The following EPN1 variants were observed in gnomAD, a reference collection of about 807,000 sequenced individuals.
EPN1 encodes the protein epsin-1.
EPN1 carries 25 observed loss-of-function variants against 56.9 expected under a neutral mutation model. The observed-to-expected ratio is 0.44, with a 90% confidence interval of 0.32 to 0.61. EPN1 has a LOEUF of 0.61. Ranked by LOEUF, EPN1 falls within the 20% of genes least tolerant of loss-of-function variation. The probability of loss-of-function intolerance (pLI) is 0.05; values close to 1 mark genes in which losing one functional copy is unlikely to be tolerated. For missense variants in EPN1, 785 were observed against 823.7 expected (o/e 0.95, Z 0.58); for synonymous variants, 411 against 361.8 (o/e 1.14, Z -1.54).
Position 55,708,656 on chromosome 19 carries a change from T to C in EPN1, c.*13300T>C, listed in dbSNP as rs1364739087. On this transcript the variant is annotated 3_prime_UTR_variant, in exon 11 of 11. Coordinates refer to ENST00000270460, the MANE Select transcript of EPN1 (RefSeq NM_001130072.2). Reference sequence around the variant, plus strand: ...CTTTCCAGAGCGTTTAGCACTTGTTTAACGTACTTGTGCTTCTAAATATCA... The same window carrying C: ...CTTTCCAGAGCGTTTAGCACTTGTTCAACGTACTTGTGCTTCTAAATATCA... 3.1e-6 allele frequency: 1 copy of C among 317,560 alleles called. No homozygotes were observed. The highest frequency in any genetic ancestry group is 5.7e-6 in the Non-Finnish European group (1 of 174,896). The allele number at this position is 317,560 out of a possible 1,614,324, so 19.7% of individuals were successfully genotyped here. A position where few individuals can be genotyped will look rare whatever the true frequency, so the allele number is the denominator to read the frequency against.
At chr19:55,679,800 T>A (rs1004892245) in intron 2 of EPN1, among the ~76,000 whole-genome samples, 6 of 152,202 alleles carry the variant, frequency 3.9e-5, no homozygotes, top group Non-Finnish European at 8.8e-5. Flanking sequence ...AGGATTGGGT[T>A]GAGTCATAGA....
rs370923096 is a variant in EPN1, at chr19:55,708,500, A to C, written c.*13144A>C. On this transcript the variant is annotated 3_prime_UTR_variant, in exon 11 of 11. Transcript: ENST00000270460. ...AAATCGAAATCTGGACAAACTAGAA[A>C]GTCTGGATGCTAGCAATACAATCTA... 6.5e-6 allele frequency: 1 copy of C among 154,488 alleles called. No individual in the cohort carries two copies. The highest frequency in any genetic ancestry group is 1.4e-5 in the Non-Finnish European group (1 of 69,702). The allele number at this position is 154,488 out of a possible 1,614,324, so 9.6% of individuals were successfully genotyped here.
chr19:55,693,862 T>C (rs1249056286), intron 9 of EPN1, among the ~76,000 whole-genome samples: 1 of 152,168 alleles, frequency 6.6e-6, no homozygotes, highest in Non-Finnish European at 1.5e-5. Context: ...TAGGCCCTTT[T>C]TTGTCCCATA....
At position 55,689,749 on chromosome 19, in the gene EPN1, C is replaced by T. The variant is rs556508288; in HGVS notation, c.679-118C>T. The stretch of plus-strand genomic sequence containing the variant: ...ATTTCATACATTGTCCGCATCCCAT[C>T]GAATCCTTCAGCCGCTTTCGTTGGG... On this transcript the variant is annotated intron_variant, in intron 5 of 10. Coordinates refer to ENST00000270460, the MANE Select transcript of EPN1 (RefSeq NM_001130072.2). This position sits in a 1 kb window ranked among gnomAD's most constrained non-coding sequence, Gnocchi z 5.7. 66 of 932,424 alleles carry T rather than the reference C, an allele frequency of 7.1e-5. No individual in the cohort carries two copies. The Admixed American group carries it at 7.8e-4, about 11-fold the overall frequency. 57.8% of individuals were successfully genotyped at this position (932,424 alleles called of 1,614,324 possible). A position where few individuals can be genotyped will look rare whatever the true frequency, so the allele number is the denominator to read the frequency against.
chr19:55,682,159 C>T (rs1010498518), intron 2 of EPN1, among the ~76,000 whole-genome samples: 2 of 152,206 alleles, frequency 1.3e-5, no homozygotes, highest in African/African-American at 2.4e-5. Context: ...AAGTTGTATA[C>T]TAAGCACATC....
Position 55,689,582 on chromosome 19 carries a change from CGGGTGACCA to C in EPN1, c.678+216_678+224del, listed in dbSNP as rs1251562528. ...CCAGCACAGCTGTGCCAAGGTTGCT[CGGGTGACCA>C]GGGTCCCTTCCTCCCCCCAACGCAG... On this transcript the variant is annotated intron_variant, in intron 5 of 10. Transcript: ENST00000270460. The surrounding 1 kb of genome is among the most constrained non-coding windows in gnomAD (Gnocchi z 5.7). Among the ~76,000 whole-genome samples the C allele has an allele frequency of 6.6e-6, 1 of 152,168 alleles. No individual in the cohort carries two copies. Among genetic ancestry groups the C allele is most frequent in the Non-Finnish European group, 1.5e-5 (1 of 68,034 alleles).
Position 55,705,033 on chromosome 19 carries a change from C to G in EPN1, c.*9677C>G, listed in dbSNP as rs1212322559. 6.6e-6 allele frequency: 1 copy of G among 152,220 alleles called. No individual in the cohort carries two copies. The highest frequency in any genetic ancestry group is 2.4e-5 in the African/African-American group (1 of 41,436). The allele number at this position is 152,220 out of a possible 1,614,324, so 9.4% of individuals were successfully genotyped here. ...AGGGAGCCCAGAAGAAATGAAAAGC[C>G]TGGGCAGACTCGCAGTTCTGCCACA... On this transcript the variant is annotated 3_prime_UTR_variant, in exon 11 of 11. Coordinates refer to ENST00000270460, the MANE Select transcript of EPN1 (RefSeq NM_001130072.2).
intron 7 of EPN1, 155 bp from the exon 8 acceptor site, chr19:55,692,531 A>G (rs1986626502): frequency 2.0e-6 from 1 of 511,492 alleles, no homozygotes; most frequent in Admixed American, 3.7e-5. Context: ...GCCCAGTTGG[A>G]ATTTGAGTGT....
Position 55,703,232 on chromosome 19 carries a change from C to G in EPN1, c.*7876C>G, listed in dbSNP as rs1245231954. On this transcript the variant is annotated 3_prime_UTR_variant, in exon 11 of 11. Transcript: ENST00000270460. ...GTGTTTCTGTCCTGGACAACACTGT[C>G]CGGAGGGGCCTAAGTGGGAAGTGCC... 6.6e-6 allele frequency: 1 copy of G among 152,334 alleles called. No homozygotes were observed. The highest frequency in any genetic ancestry group is 1.5e-5 in the Non-Finnish European group (1 of 68,232). The allele number at this position is 152,334 out of a possible 1,614,324, so 9.4% of individuals were successfully genotyped here.
chr19:55,675,908 C>G (rs1284442024), intron 1 of EPN1, among the ~76,000 whole-genome samples: 3 of 152,166 alleles, frequency 2.0e-5, no homozygotes. Context: ...CTATCACCTC[C>G]AATCCTGAAG....
At position 55,707,546 on chromosome 19, in the gene EPN1, CTTCAG is replaced by C. The variant is rs111853362; in HGVS notation, c.*12196_*12200del. 2.2e-4 allele frequency: 34 copies of C among 154,416 alleles called. No homozygotes were observed. Among genetic ancestry groups the C allele is most frequent in the East Asian group, 9.6e-4 (5 of 5,190 alleles). 9.6% of individuals were successfully genotyped at this position (154,416 alleles called of 1,614,324 possible). A position where few individuals can be genotyped will look rare whatever the true frequency, so the allele number is the denominator to read the frequency against. On this transcript the variant is annotated 3_prime_UTR_variant, in exon 11 of 11. Transcript: ENST00000270460. Reference sequence around the variant, plus strand: ...GATCTCATCACAGACATAGCCAGCTCTTCAGTTCAGACCACCTGGAAACCCTCCCC... The same window carrying C: ...GATCTCATCACAGACATAGCCAGCTCTTCAGACCACCTGGAAACCCTCCCC...
Position 55,692,017 on chromosome 19 carries a change from TG to T in EPN1, c.1030del (p.Glu344ArgfsTer98). 1 of 1,473,350 alleles carries T rather than the reference TG, an allele frequency of 6.8e-7. No homozygotes were observed. Among genetic ancestry groups the T allele is most frequent in the Non-Finnish European group, 8.9e-7 (1 of 1,119,842 alleles). 91.3% of individuals were successfully genotyped at this position (1,473,350 alleles called of 1,614,324 possible). A position where few individuals can be genotyped will look rare whatever the true frequency, so the allele number is the denominator to read the frequency against. ...GGGGTGGGACCCCAGCCCCTGCAGC[TG>T]GGGAGGGGCCCACGCCTGATCCATG... ...PWGGTPAPAA[G>X]EGPTPDPWGS... On this transcript the variant is annotated frameshift_variant, in exon 7 of 11. Transcript: ENST00000270460. LOFTEE classifies it high-confidence loss of function.
intron 2 of EPN1, among the ~76,000 whole-genome samples, chr19:55,680,375 C>T (rs1353952956): frequency 6.6e-6 from 1 of 152,166 alleles, no homozygotes; most frequent in African/African-American, 2.4e-5. Context: ...ATCCGCCATC[C>T]CTGCAGCATC....
intron 2 of EPN1, among the ~76,000 whole-genome samples, chr19:55,682,994 A>G (rs1240607275): frequency 6.6e-6 from 1 of 151,604 alleles, no homozygotes; most frequent in African/African-American, 2.4e-5. Flanking sequence ...TGACCTCGTG[A>G]TCCGCCCGCC....
chr19:55,695,537 A>G lies in EPN1; in HGVS notation c.*181A>G, dbSNP rs1366761573. Reference sequence around the variant, plus strand: ...CCACCTCCCCGGAGAGAAACTGGACATGGGGCCTGGGGAGGGGAGCTGGCC... The same window carrying G: ...CCACCTCCCCGGAGAGAAACTGGACGTGGGGCCTGGGGAGGGGAGCTGGCC... On this transcript the variant is annotated 3_prime_UTR_variant, in exon 11 of 11. Transcript: ENST00000270460. This position sits in a 1 kb window ranked among gnomAD's most constrained non-coding sequence, Gnocchi z 4.4. The G allele has an allele frequency of 1.4e-5, 8 of 587,116 alleles. No individual in the cohort carries two copies. The highest frequency in any genetic ancestry group is 2.4e-5 in the Non-Finnish European group (8 of 330,482). The allele number at this position is 587,116 out of a possible 1,614,324, so 36.4% of individuals were successfully genotyped here.
In EPN1 at chr19:55,689,407, G is replaced by A. The variant is rs1327934693; in HGVS notation, c.678+36G>A. ...CCTCCCTGTCCCTGCCCCTGCCAGG[G>A]GCTCCCCTCAGACCAGCCCCGTCGC... is the stretch of plus-strand genomic sequence containing the variant. On this transcript the variant is annotated intron_variant, in intron 5 of 10. Transcript: ENST00000270460. The surrounding 1 kb of genome is among the most constrained non-coding windows in gnomAD (Gnocchi z 5.7). 2.0e-6 allele frequency: 3 copies of A among 1,518,956 alleles called. No individual in the cohort carries two copies. Among genetic ancestry groups the A allele is most frequent in the East Asian group, 2.5e-5 (1 of 40,748 alleles). The allele number at this position is 1,518,956 out of a possible 1,614,324, so 94.1% of individuals were successfully genotyped here. A position where few individuals can be genotyped will look rare whatever the true frequency, so the allele number is the denominator to read the frequency against.
rs372595363 is a variant in EPN1, at chr19:55,698,408, G to C, written c.*3052G>C. ...TCTCGACTCTGTTCAGGGCCTAGGG[G>C]TTGGGTGGGGAAGGCACTTGAGGGA... is the stretch of plus-strand genomic sequence containing the variant. On this transcript the variant is annotated 3_prime_UTR_variant, in exon 11 of 11. Transcript: ENST00000270460. 4.6e-5 allele frequency: 7 copies of C among 152,354 alleles called. No individual in the cohort carries two copies. In the East Asian group the frequency reaches 9.7e-4, roughly 21 times the overall value. The allele number at this position is 152,354 out of a possible 1,614,324, so 9.4% of individuals were successfully genotyped here.
Position 55,678,642 on chromosome 19 carries a change from C to G in EPN1, c.15C>G (p.Ser5=), listed in dbSNP as rs370030834. The part of the protein sequence containing the change: MSTS[S]LRRQMKNIVH... ...AGCCGGGCACCATGTCGACCTCGTC[C>G]TTGAGGCGCCAGATGAAGAACATCG... Residue 5 remains serine, a synonymous_variant, in exon 2 of 11, where the codon TCC becomes TCG. Transcript: ENST00000270460. The G allele has an allele frequency of 2.6e-4, 419 of 1,612,160 alleles. No homozygotes were observed. Among genetic ancestry groups the G allele is most frequent in the Non-Finnish European group, 3.4e-4 (396 of 1,179,266 alleles).
At position 55,689,290 on chromosome 19, in the gene EPN1, C is replaced by T; in HGVS notation, c.604-7C>T. 2 of 1,545,796 alleles carry T rather than the reference C, an allele frequency of 1.3e-6. No individual in the cohort carries two copies. Among genetic ancestry groups the T allele is most frequent in the African/African-American group, 2.7e-5 (2 of 72,840 alleles). On this transcript the variant is annotated splice_region_variant and splice_polypyrimidine_tract_variant and intron_variant, in intron 4 of 10. Coordinates refer to ENST00000270460, the MANE Select transcript of EPN1 (RefSeq NM_001130072.2). This position sits in a 1 kb window ranked among gnomAD's most constrained non-coding sequence, Gnocchi z 5.7. Reference sequence around the variant, plus strand: ...CCGTCATGCCCCTCACACTCTCTCTCCCCCAGCCCCCGTCCTGCGGCCCCG... The same window carrying T: ...CCGTCATGCCCCTCACACTCTCTCTTCCCCAGCCCCCGTCCTGCGGCCCCG...
Sources: allele counts gnomAD v4.1 joint callset (sites outside exome capture counted in the v4.1 genomes callset), GRCh38; gene constraint gnomAD v4.1.1; non-coding constraint Gnocchi (gnomAD v3.1); transcripts MANE v1.5; gene names NCBI Gene and HGNC (gene_info 2026-07-23, HGNC 2026-07-21).